SORBS2: variants seen among roughly 807,000 people sequenced by gnomAD.
The protein encoded by SORBS2 is sorbin and SH3 domain containing 2.
A neutral mutation model predicts 97.7 loss-of-function variants in SORBS2; 46 were observed. That is an observed-to-expected ratio of 0.47 (90% CI 0.37 to 0.60). The LOEUF (loss-of-function observed/expected upper bound fraction) is 0.60, where lower values mean the gene tolerates loss of function less well. SORBS2 is among the 20% of genes least tolerant of loss of function. The pLI is 0.00. For synonymous variants in SORBS2, 476 were observed against 473.4 expected, an observed-to-expected ratio of 1.01 and a Z score of -0.07; for missense variants, 1,316 against 1,282.3, an observed-to-expected ratio of 1.03 and a Z score of -0.40.
intron 1 of SORBS2, among the ~76,000 whole-genome samples, chr4:185,901,510 G>A (rs1444877508): frequency 6.6e-6 from 1 of 152,014 alleles, no homozygotes; most frequent in Non-Finnish European, 1.5e-5. Flanking sequence ...GGCCGAAGAG[G>A]AAAATTTATA....
intron 4 of SORBS2, among the ~76,000 whole-genome samples, chr4:185,674,138 T>C (rs2097760577): frequency 6.6e-6 from 1 of 152,174 alleles, no homozygotes; most frequent in African/African-American, 2.4e-5. Flanking sequence ...AAGTACAGGC[T>C]CTTACATCCA....
intron 2 of SORBS2, among the ~76,000 whole-genome samples, chr4:185,733,302 T>C (rs1293276743): frequency 6.6e-6 from 1 of 152,246 alleles, no homozygotes; most frequent in Admixed American, 6.5e-5. Context: ...CTGAGTTAGA[T>C]GAGTGATATG....
At chr4:185,632,453 G>C (rs115576926) in intron 4 of SORBS2, among the ~76,000 whole-genome samples, 250 of 152,244 alleles carry the variant, frequency 1.6e-3, no homozygotes, top group African/African-American at 5.8e-3. Context: ...GCTGAGCTCT[G>C]AATCAGACAC....
chr4:185,676,759 A>G (rs1032638135), intron 4 of SORBS2, among the ~76,000 whole-genome samples: 1 of 152,152 alleles, frequency 6.6e-6, no homozygotes, highest in African/African-American at 2.4e-5. Flanking sequence ...GAAAAAAAAA[A>G]ATTTAGAACA....
intron 1 of SORBS2, among the ~76,000 whole-genome samples, chr4:185,831,245 AG>A (rs2099204959): frequency 6.6e-6 from 1 of 152,206 alleles, no homozygotes; most frequent in Non-Finnish European, 1.5e-5. Flanking sequence ...AGACTCCTAC[AG>A]GAGCAGATTG....
At position 185,709,304 on chromosome 4, in the gene SORBS2, C is replaced by CTTTTTTTTTTTTTTTTTTTTTTT. The variant is rs70962587; in HGVS notation, c.-197-30483_-197-30482insAAAAAAAAAAAAAAAAAAAAAAA. On this transcript the variant is annotated intron_variant, in intron 2 of 20. Coordinates refer to the SORBS2 transcript ENST00000284776. ...GCATGAGCCGCTGTGCTGGCCAAAT[C>CTTTTTTTTTTTTTTTTTTTTTTT]TTTTTTTTTTTTTTTTTTTTAGTAA... Among the ~76,000 whole-genome samples the CTTTTTTTTTTTTTTTTTTTTTTT allele has an allele frequency of 1.4e-3, 132 of 96,670 alleles. 12 individuals are homozygous for CTTTTTTTTTTTTTTTTTTTTTTT. The highest frequency in any genetic ancestry group is 2.4e-3 in the East Asian group (8 of 3,278). The allele number at this position is 96,670 out of a possible 152,430, so 63.4% of individuals were successfully genotyped here.
At position 185,643,712 on chromosome 4, in the gene SORBS2, G is replaced by A. The variant is rs111957184; in HGVS notation, c.396+2956C>T. Among the ~76,000 whole-genome samples the A allele has an allele frequency of 7.2e-5, 11 of 152,262 alleles. 1 individual carries two copies. The highest frequency in any genetic ancestry group is 2.6e-4 in the African/African-American group (11 of 41,542). ...TTTGGAAAAGTGGGCAGATGGAGAG[G>A]CCATGTAGAGATTCAAAAGAGCAAC... is the stretch of plus-strand genomic sequence containing the variant. On this transcript the variant is annotated intron_variant, in intron 4 of 14. Transcript: ENST00000418609.
At chr4:185,620,699 G>A (rs376065600) in intron 7 of SORBS2, among the ~76,000 whole-genome samples, 12 of 152,102 alleles carry the variant, frequency 7.9e-5, no homozygotes, top group Admixed American at 7.9e-4. Flanking sequence ...TCCCCTCTTC[G>A]CTCTTCCTCT....
At position 185,623,283 on chromosome 4, in the gene SORBS2, A is replaced by G; in HGVS notation, c.1846T>C (p.Ser616Pro). 1 of 1,614,086 alleles carries G rather than the reference A, an allele frequency of 6.2e-7. No individual in the cohort carries two copies. Among genetic ancestry groups the G allele is most frequent in the East Asian group, 2.2e-5 (1 of 44,886 alleles). The change falls in exon 7 of 15, where the codon TCG becomes CCG. Residue 616 changes from serine (S) to proline (P), a missense_variant. Coordinates refer to ENST00000418609, the Ensembl canonical transcript of SORBS2. This position sits in a 1 kb window ranked among gnomAD's most constrained non-coding sequence, Gnocchi z 6.4. ...TTTTCAGTCTGTTTCTTAGGAGCCG[A>G]ATTTTTTTTCCTCCGGAAAGGCACA...
intron 1 of SORBS2, among the ~76,000 whole-genome samples, chr4:185,878,309 C>T (rs576875585): frequency 1.3e-5 from 2 of 152,264 alleles, no homozygotes; most frequent in South Asian, 2.1e-4. Flanking sequence ...AAAAGCAATA[C>T]ATTTTGTACA....
Position 185,662,226 on chromosome 4 carries a change from T to C in SORBS2, c.-29A>G, listed in dbSNP as rs200660916. Reference sequence around the variant, plus strand: ...ACTCACGGCACCTCCTGAGTTTCCATTCACTGTTATCTGGCTCTGAGAAAA... The same window carrying C: ...ACTCACGGCACCTCCTGAGTTTCCACTCACTGTTATCTGGCTCTGAGAAAA... On this transcript the variant is annotated 5_prime_UTR_variant, in exon 5 of 21. Transcript: ENST00000284776. The C allele has an allele frequency of 7.4e-4, 1,185 of 1,610,132 alleles. 1 individual carries two copies. The highest frequency in any genetic ancestry group is 8.3e-4 in the Non-Finnish European group (974 of 1,178,304).
intron 2 of SORBS2, among the ~76,000 whole-genome samples, chr4:185,744,401 C>T (rs2173480): frequency 0.045 from 6,921 of 152,250 alleles, 390 homozygotes; most frequent in East Asian, 0.19. Context: ...CAGCATATTA[C>T]TCTAGTCTAC....
intron 1 of SORBS2, among the ~76,000 whole-genome samples, chr4:185,854,802 A>AT (rs1267343219): frequency 6.6e-6 from 1 of 151,738 alleles, no homozygotes; most frequent in Admixed American, 6.6e-5. Flanking sequence ...AGAGAGAGAG[A>AT]GAGAGAGAGA....
intron 1 of SORBS2, among the ~76,000 whole-genome samples, chr4:185,949,999 A>G (rs1438944954): frequency 6.6e-6 from 1 of 152,182 alleles, no homozygotes; most frequent in African/African-American, 2.4e-5. Context: ...CACGGCCATA[A>G]TCCCAGCACT....
intron 1 of SORBS2, among the ~76,000 whole-genome samples, chr4:185,906,285 A>G (rs1157714475): frequency 2.6e-5 from 4 of 152,140 alleles, no homozygotes; most frequent in Non-Finnish European, 4.4e-5. Flanking sequence ...TGCCTGCCTC[A>G]TCCTCCCAAA....
chr4:185,666,248 T>G (rs1441983108), intron 4 of SORBS2: 1 of 1,037,320 alleles, frequency 9.6e-7, no homozygotes, highest in Non-Finnish European at 1.3e-6. Context: ...ATTATCCAAT[T>G]AACAAAAGTA....
intron 13 of SORBS2, chr4:185,593,044 C>T (rs1312844671): frequency 1.3e-5 from 2 of 152,276 alleles, no homozygotes; most frequent in Non-Finnish European, 2.9e-5. Flanking sequence ...GGACCTGCCG[C>T]AAGGAGGAGG....
intron 1 of SORBS2, among the ~76,000 whole-genome samples, chr4:185,850,991 T>C (rs185193481): frequency 6.6e-6 from 1 of 152,306 alleles, no homozygotes; most frequent in Admixed American, 6.5e-5. Flanking sequence ...TTCTGGTTCT[T>C]GGGCTCTCAG....
At chr4:185,800,932 C>A (rs2099127421) in intron 1 of SORBS2, among the ~76,000 whole-genome samples, 1 of 152,166 alleles carries the variant, frequency 6.6e-6, no homozygotes, top group African/African-American at 2.4e-5. Context: ...ACTCCCCTAG[C>A]AAGCTGCAAG....
Sources: allele counts gnomAD v4.1 joint callset (sites outside exome capture counted in the v4.1 genomes callset), GRCh38; gene constraint gnomAD v4.1.1; non-coding constraint Gnocchi (gnomAD v3.1); transcripts MANE v1.5; gene names NCBI Gene and HGNC (gene_info 2026-07-23, HGNC 2026-07-21).